LEPR: variants seen among roughly 807,000 people sequenced by gnomAD.
LEPR encodes the protein OB receptor.
LEPR carries 56 observed loss-of-function variants against 114.7 expected under a neutral mutation model. The ratio of observed to expected loss-of-function variants is 0.49; its 90% confidence interval spans 0.39 to 0.61. The LOEUF is 0.61. LEPR is among the 20% of genes least tolerant of loss of function. LEPR has a pLI of 0.00. For synonymous variants in LEPR, 443 were observed against 461.4 expected (o/e 0.96, Z 0.51); for missense variants, 1,202 against 1,352.9 (o/e 0.89, Z 1.75).
At chr1:65,530,643 C>T (rs746452439) in intron 2 of LEPR, among the ~76,000 whole-genome samples, 4 of 152,128 alleles carry the variant, frequency 2.6e-5, no homozygotes, top group East Asian at 3.9e-4. Flanking sequence ...GACAACCAGA[C>T]GTCACTCTCG....
At chr1:65,446,349 A>G (rs1312351539) in intron 2 of LEPR, among the ~76,000 whole-genome samples, 1 of 152,140 alleles carries the variant, frequency 6.6e-6, no homozygotes, top group East Asian at 1.9e-4. Flanking sequence ...TTGCCATGGC[A>G]TCTGTAAACT....
intron 2 of LEPR, chr1:65,525,985 C>T (rs780918424): frequency 6.6e-6 from 5 of 753,404 alleles, no homozygotes; most frequent in Non-Finnish European, 8.1e-6. Flanking sequence ...GGCCAGCGCC[C>T]GGCGGGCGGC....
In LEPR at chr1:65,565,716, G is replaced by A. The variant is rs1653687549; in HGVS notation, c.40+111G>A. 4.5e-6 allele frequency: 6 copies of A among 1,340,630 alleles called. No homozygotes were observed. The South Asian group carries it at 7.3e-5, about 16-fold the overall frequency. The allele number at this position is 1,340,630 out of a possible 1,614,324, so 83.0% of individuals were successfully genotyped here. ...AACAGAATTTCCTATTTCTAGTTAG[G>A]AATTCTCATACATGCTTATGATTAA... On this transcript the variant is annotated intron_variant, in intron 3 of 19. Transcript: ENST00000349533.
intron 2 of LEPR, among the ~76,000 whole-genome samples, chr1:65,475,045 T>G: frequency 1.3e-5 from 1 of 76,230 alleles, no homozygotes; most frequent in African/African-American, 4.2e-5. Flanking sequence ...AAGAAAATAA[T>G]CATTTTGAAA....
At chr1:65,598,147 T>C (rs1656202963) in intron 7 of LEPR, among the ~76,000 whole-genome samples, 1 of 145,868 alleles carries the variant, frequency 6.9e-6, no homozygotes, top group Non-Finnish European at 1.5e-5. Flanking sequence ...TTGCTCAGGC[T>C]GGTCTTGAAC....
intron 2 of LEPR, among the ~76,000 whole-genome samples, chr1:65,505,287 C>A (rs917315414): frequency 7.2e-5 from 11 of 152,084 alleles, no homozygotes; most frequent in Non-Finnish European, 1.6e-4. Context: ...CATATAATTA[C>A]AAGCAATATT....
chr1:65,549,459 G>A (rs927549612), intron 2 of LEPR, among the ~76,000 whole-genome samples: 5 of 151,910 alleles, frequency 3.3e-5, no homozygotes, highest in Non-Finnish European at 1.5e-5. Flanking sequence ...CCAATCAGAC[G>A]CAGATTTGGT....
intron 5 of LEPR, among the ~76,000 whole-genome samples, chr1:65,588,842 A>G (rs1168785131): frequency 2.0e-5 from 3 of 152,100 alleles, no homozygotes; most frequent in Non-Finnish European, 4.4e-5. Flanking sequence ...GTTGATAGGC[A>G]TTTAAATTGT....
chr1:65,566,021 T>A lies in LEPR; in HGVS notation c.40+416T>A, dbSNP rs570664597. ...ATGGCTTTTTACCTTTATCAGTATTTACCGGGATACTTATTAGTTTAATGG... is the reference window on the plus strand; with the variant it reads ...ATGGCTTTTTACCTTTATCAGTATTAACCGGGATACTTATTAGTTTAATGG... On this transcript the variant is annotated intron_variant, in intron 3 of 19. Transcript: ENST00000349533. Among the ~76,000 whole-genome samples the A allele has an allele frequency of 3.3e-5, 5 of 152,160 alleles. No homozygotes were observed. In the South Asian group the frequency reaches 1.0e-3, roughly 32 times the overall value.
At chr1:65,475,211 G>T (rs914266760) in intron 2 of LEPR, among the ~76,000 whole-genome samples, 2 of 152,122 alleles carry the variant, frequency 1.3e-5, no homozygotes, top group African/African-American at 2.4e-5. Context: ...TGTTCAAAAT[G>T]ATTATTCATT....
At chr1:65,621,325 A>G (rs1424195130) in intron 17 of LEPR, 28 bp from the exon 18 acceptor site, 1 of 1,580,508 alleles carries the variant, frequency 6.3e-7, no homozygotes, top group Non-Finnish European at 8.7e-7. Flanking sequence ...CAAGTTTCTG[A>G]GTTGTGTAAA....
rs761498153 is a variant in LEPR at position 65,565,542 on chromosome 1, C to G, written c.-20-4C>G. 3.1e-6 allele frequency: 5 copies of G among 1,613,376 alleles called. No individual in the cohort carries two copies. In the South Asian group the frequency reaches 3.3e-5, roughly 11 times the overall value. ...TGTTCTGATTTTAGATTTACCTTTT[C>G]CAGGTGTACTTCTCTGAAGTAAGAT... On this transcript the variant is annotated splice_polypyrimidine_tract_variant and splice_region_variant and intron_variant, in intron 2 of 19. Coordinates refer to ENST00000349533, the MANE Select transcript of LEPR (RefSeq NM_002303.6).
At chr1:65,457,281 A>G (rs762319711) in intron 2 of LEPR, among the ~76,000 whole-genome samples, 6 of 152,140 alleles carry the variant, frequency 3.9e-5, no homozygotes, top group African/African-American at 1.4e-4. Flanking sequence ...GAAAAATAGA[A>G]GTTTTTAATT....
chr1:65,617,773 A>G (rs1474442775), intron 15 of LEPR, among the ~76,000 whole-genome samples, 191 bp from the exon 16 acceptor site: 3 of 152,128 alleles, frequency 2.0e-5, no homozygotes, highest in Admixed American at 6.5e-5. Context: ...CTTCAATGTC[A>G]TCTATTCCCA....
At chr1:65,518,913 C>CTTTCTTTCTT (rs1557636361) in intron 2 of LEPR, among the ~76,000 whole-genome samples, 2 of 79,548 alleles carry the variant, frequency 2.5e-5, no homozygotes, top group African/African-American at 8.0e-5. Context: ...TTCTTTCTTT[C>CTTTCTTTCTT]TTTCTCTCTT....
Position 65,633,678 on chromosome 1 carries a change from A to G in LEPR, c.2674-2513A>G, listed in dbSNP as rs1658611835. On this transcript the variant is annotated intron_variant, in intron 19 of 19. Coordinates refer to ENST00000349533, the MANE Select transcript of LEPR (RefSeq NM_002303.6). The surrounding 1 kb of genome is among the most constrained non-coding windows in gnomAD (Gnocchi z 4.1). Reference sequence around the variant, plus strand: ...ACTTTTCCATTTTAGATTCCTTTATAGACACGTCAGCCTAAAAATCAGCCT... The same window carrying G: ...ACTTTTCCATTTTAGATTCCTTTATGGACACGTCAGCCTAAAAATCAGCCT... The G allele has an allele frequency of 1.0e-6, 1 of 985,812 alleles. No individual in the cohort carries two copies. Among genetic ancestry groups the G allele is most frequent in the Non-Finnish European group, 1.2e-6 (1 of 830,188 alleles). The allele number at this position is 985,812 out of a possible 1,614,324, so 61.1% of individuals were successfully genotyped here.
intron 2 of LEPR, among the ~76,000 whole-genome samples, chr1:65,471,371 T>G (rs1647080723): frequency 6.6e-6 from 1 of 152,182 alleles, no homozygotes; most frequent in African/African-American, 2.4e-5. Flanking sequence ...TAAGACAAAC[T>G]GATTGGAAAC....
intron 2 of LEPR, among the ~76,000 whole-genome samples, chr1:65,553,836 A>G (rs1472725142): frequency 6.6e-6 from 1 of 152,018 alleles, no homozygotes; most frequent in Non-Finnish European, 1.5e-5. Context: ...CCTCATCTTC[A>G]TGGATTTATC....
intron 2 of LEPR, among the ~76,000 whole-genome samples, chr1:65,489,369 G>A (rs1267828070): frequency 6.6e-6 from 1 of 152,098 alleles, no homozygotes. Context: ...GATGATCAAT[G>A]TTGTTGAGTA....
Sources: allele counts gnomAD v4.1 joint callset (sites outside exome capture counted in the v4.1 genomes callset), GRCh38; gene constraint gnomAD v4.1.1; non-coding constraint Gnocchi (gnomAD v3.1); transcripts MANE v1.5; gene names NCBI Gene and HGNC (gene_info 2026-07-23, HGNC 2026-07-21).